The following CDH13 variants were observed in gnomAD, a reference collection of about 807,000 sequenced individuals.
CDH13 encodes cadherin-13.
Under a neutral mutation model 63.8 loss-of-function variants are expected in CDH13, and 24 were observed. The ratio of observed to expected loss-of-function variants is 0.38; its 90% CI spans 0.27 to 0.53. CDH13 has a LOEUF of 0.53. Ranked by LOEUF, CDH13 falls within the 20% of genes least tolerant of loss-of-function variation. The probability of loss-of-function intolerance (pLI) is 0.85; values close to 1 mark genes in which losing one functional copy is unlikely to be tolerated. For missense variants in CDH13, 1,049 were observed against 903.1 expected, an observed-to-expected ratio of 1.16 and a Z score of -2.07; for synonymous variants, 503 against 355.3, an observed-to-expected ratio of 1.42 and a Z score of -4.67.
chr16:83,172,118 C>T (rs2151730293), intron 4 of CDH13, among the ~76,000 whole-genome samples: 1 of 152,052 alleles, frequency 6.6e-6, no homozygotes, highest in African/African-American at 2.4e-5. Flanking sequence ...TTTGAGTAGA[C>T]CCTAGTATAA....
rs1011918549 is a variant in CDH13, at chr16:82,789,211, T to A, written c.46-69151T>A. Among the ~76,000 whole-genome samples, 3 of 152,168 alleles carry A rather than the reference T, an allele frequency of 2.0e-5. No homozygotes were observed. In the East Asian group the frequency reaches 5.8e-4, roughly 29 times the overall value. On this transcript the variant is annotated intron_variant, in intron 1 of 13. Transcript: ENST00000567109. ...TCTTGGTCATCCAGTCTCTGTGTGGTTGGGTTGATCACAGAAACTAGAGAA... is the reference window on the plus strand; with the variant it reads ...TCTTGGTCATCCAGTCTCTGTGTGGATGGGTTGATCACAGAAACTAGAGAA...
At chr16:82,993,930 C>G (rs76559453) in intron 2 of CDH13, among the ~76,000 whole-genome samples, 5,787 of 152,196 alleles carry the variant, frequency 0.038, 137 homozygotes, top group Non-Finnish European at 0.046. Context: ...GAAGCAAGCA[C>G]TCCCCCTCCG....
At chr16:82,802,203 C>T (rs780634934) in intron 1 of CDH13, among the ~76,000 whole-genome samples, 2 of 152,032 alleles carry the variant, frequency 1.3e-5, no homozygotes, top group Non-Finnish European at 2.9e-5. Flanking sequence ...CTCCAGTGGC[C>T]GCAGAAAGTC....
chr16:83,370,354 C>A, intron 6 of CDH13, among the ~76,000 whole-genome samples: 1 of 150,130 alleles, frequency 6.7e-6, no homozygotes, highest in Non-Finnish European at 1.5e-5. Flanking sequence ...CGCCACTGCA[C>A]TCCAGCCTGG....
chr16:83,284,711 AAT>A (rs1314042651), intron 5 of CDH13, among the ~76,000 whole-genome samples: 4 of 152,062 alleles, frequency 2.6e-5, no homozygotes, highest in African/African-American at 9.7e-5. Flanking sequence ...AAGTATAGTG[AAT>A]ATAATTACTT....
At chr16:83,274,118 C>T (rs8043827) in intron 5 of CDH13, among the ~76,000 whole-genome samples, 70,233 of 151,766 alleles carry the variant, frequency 0.46, 16,761 homozygotes, top group East Asian at 0.73. Flanking sequence ...CAGGCCGTCT[C>T]CTCCATCCCA....
At chr16:82,645,022 T>A (rs1909921545) in intron 1 of CDH13, among the ~76,000 whole-genome samples, 1 of 152,178 alleles carries the variant, frequency 6.6e-6, no homozygotes, top group Non-Finnish European at 1.5e-5. Flanking sequence ...TCTCTGAGAT[T>A]GTAGTGTGTT....
intron 2 of CDH13, among the ~76,000 whole-genome samples, chr16:82,976,172 G>C (rs1428854201): frequency 6.6e-6 from 1 of 152,204 alleles, no homozygotes; most frequent in Non-Finnish European, 1.5e-5. Flanking sequence ...GACAGTCAAA[G>C]ACTCTTCATT....
chr16:82,987,582 G>A (rs895759349), intron 2 of CDH13, among the ~76,000 whole-genome samples: 1 of 152,130 alleles, frequency 6.6e-6, no homozygotes, highest in Non-Finnish European at 1.5e-5. Flanking sequence ...TCACTATGTT[G>A]ACCAGGCTGG....
intron 3 of CDH13, among the ~76,000 whole-genome samples, chr16:83,056,611 A>G (rs1019259736): frequency 3.3e-5 from 5 of 152,338 alleles, no homozygotes; most frequent in African/African-American, 1.2e-4. Context: ...CTGTTGAGCT[A>G]TAGATGGTGA....
chr16:83,742,241 G>GC (rs1306767663), intron 10 of CDH13, among the ~76,000 whole-genome samples: 1 of 152,150 alleles, frequency 6.6e-6, no homozygotes, highest in Non-Finnish European at 1.5e-5. Flanking sequence ...CTGAGAGTGA[G>GC]CCCGCCTTCC....
At chr16:83,006,935 T>TG (rs1567737726) in intron 2 of CDH13, among the ~76,000 whole-genome samples, 69 of 121,970 alleles carry the variant, frequency 5.7e-4, no homozygotes, top group African/African-American at 2.1e-3. Flanking sequence ...TTTGTTTGTT[T>TG]TTTTTGAGAC....
chr16:83,303,204 A>T (rs2089791094), intron 5 of CDH13, among the ~76,000 whole-genome samples: 1 of 152,358 alleles, frequency 6.6e-6, no homozygotes, highest in Non-Finnish European at 1.5e-5. Context: ...CACCTTCCGA[A>T]GGTTCACCTT....
At chr16:82,834,602 C>T (rs1000496048) in intron 1 of CDH13, among the ~76,000 whole-genome samples, 1 of 152,218 alleles carries the variant, frequency 6.6e-6, no homozygotes. Context: ...TTATACTTTG[C>T]CTCTTAGCAG....
chr16:82,829,061 A>G (rs948780201), intron 1 of CDH13, among the ~76,000 whole-genome samples: 3 of 152,290 alleles, frequency 2.0e-5, no homozygotes, highest in East Asian at 3.9e-4. Context: ...ATATGAAACA[A>G]TACATTGTCC....
chr16:83,473,632 A>G (rs1255505286), intron 6 of CDH13, among the ~76,000 whole-genome samples: 1 of 152,188 alleles, frequency 6.6e-6, no homozygotes, highest in Non-Finnish European at 1.5e-5. Flanking sequence ...GATGCCCCAG[A>G]CAAGCTGTAA....
At chr16:83,229,763 C>G (rs75500738) in intron 5 of CDH13, among the ~76,000 whole-genome samples, 224 of 152,238 alleles carry the variant, frequency 1.5e-3, no homozygotes, top group African/African-American at 5.2e-3. Context: ...GGAAAGCCTG[C>G]AGGCCCACGA....
At chr16:83,490,932 C>G (rs1202777610) in intron 7 of CDH13, among the ~76,000 whole-genome samples, 1 of 152,218 alleles carries the variant, frequency 6.6e-6, no homozygotes, top group Non-Finnish European at 1.5e-5. Context: ...TTCTCTCTCT[C>G]TATTCCCATT....
chr16:82,919,536 G>C (rs1285651003), intron 2 of CDH13, among the ~76,000 whole-genome samples: 1 of 152,134 alleles, frequency 6.6e-6, no homozygotes, highest in African/African-American at 2.4e-5. Flanking sequence ...AAAAGGTCAT[G>C]ATCTTGTTCT....
Sources: allele counts gnomAD v4.1 joint callset (sites outside exome capture counted in the v4.1 genomes callset), GRCh38; gene constraint gnomAD v4.1.1; transcripts MANE v1.5; gene names NCBI Gene and HGNC (gene_info 2026-07-23, HGNC 2026-07-21).